The following NEK1 variants were observed in gnomAD, a reference collection of about 807,000 sequenced individuals.
NEK1 encodes NIMA related kinase 1.
In NEK1, 137 loss-of-function variants were observed where a neutral mutation model predicts 182.1. That is an observed-to-expected ratio of 0.75 (90% CI 0.65 to 0.87). The LOEUF is 0.87. Ranked by LOEUF, NEK1 falls within the 40% of genes least tolerant of loss-of-function variation. The probability of loss-of-function intolerance (pLI) is 0.00; values close to 1 mark genes in which losing one functional copy is unlikely to be tolerated. For missense variants in NEK1, 1,391 were observed against 1,494.4 expected (o/e 0.93, Z 1.14); for synonymous variants, 513 against 492.2 (o/e 1.04, Z -0.56).
chr4:169,561,132 T>G (rs867242370), intron 16 of NEK1, among the ~76,000 whole-genome samples: 3 of 152,210 alleles, frequency 2.0e-5, no homozygotes, highest in African/African-American at 7.2e-5. Flanking sequence ...AAGAAGCATC[T>G]TCTGAGAACT....
chr4:169,575,804 C>T (rs965535147), intron 12 of NEK1, among the ~76,000 whole-genome samples: 3 of 152,122 alleles, frequency 2.0e-5, no homozygotes, highest in African/African-American at 4.8e-5. Context: ...TCTCAGCCTT[C>T]GCGATGGGGT....
intron 26 of NEK1, among the ~76,000 whole-genome samples, chr4:169,474,438 T>C (rs550766152): frequency 1.3e-5 from 2 of 152,222 alleles, no homozygotes; most frequent in Admixed American, 6.5e-5. Context: ...CCATCTTACC[T>C]CTCTGTTCTG....
intron 19 of NEK1, among the ~76,000 whole-genome samples, chr4:169,536,518 C>A (rs1474819514): frequency 6.6e-6 from 1 of 151,880 alleles, no homozygotes; most frequent in Admixed American, 6.6e-5. Flanking sequence ...AAGCAAAATA[C>A]TTTTTCAGAC....
intron 18 of NEK1, among the ~76,000 whole-genome samples, chr4:169,549,182 G>A (rs1761028070): frequency 6.6e-6 from 1 of 152,204 alleles, no homozygotes; most frequent in Non-Finnish European, 1.5e-5. Flanking sequence ...GCACGGTACA[G>A]TTCCTAATGG....
At chr4:169,592,875 G>T (rs1284852288) in intron 5 of NEK1, among the ~76,000 whole-genome samples, 1 of 152,066 alleles carries the variant, frequency 6.6e-6, no homozygotes, top group Non-Finnish European at 1.5e-5. Flanking sequence ...TATAATAATT[G>T]CATAAGCTTT....
chr4:169,490,795 T>C (rs531443738), intron 23 of NEK1, among the ~76,000 whole-genome samples: 1 of 151,844 alleles, frequency 6.6e-6, no homozygotes, highest in Non-Finnish European at 1.5e-5. Flanking sequence ...AGAAAGCCTA[T>C]AGGAATTATG....
At chr4:169,601,073 C>T (rs1770412362) in intron 4 of NEK1, among the ~76,000 whole-genome samples, 1 of 152,126 alleles carries the variant, frequency 6.6e-6, no homozygotes, top group Admixed American at 6.5e-5. Context: ...TAATTTTGTA[C>T]TCTTTCACAT....
intron 19 of NEK1, among the ~76,000 whole-genome samples, chr4:169,511,703 T>A (rs1235666333): frequency 6.6e-6 from 1 of 152,134 alleles, no homozygotes; most frequent in Non-Finnish European, 1.5e-5. Context: ...GTCACTCATG[T>A]CATCTTATGT....
At chr4:169,475,536 A>T (rs1206858253) in intron 26 of NEK1, among the ~76,000 whole-genome samples, 1 of 152,188 alleles carries the variant, frequency 6.6e-6, no homozygotes, top group South Asian at 2.1e-4. Context: ...CCTAGCACCC[A>T]ACAAGGTAAA....
chr4:169,508,461 G>A (rs1753672582), intron 20 of NEK1, 130 bp from the exon 21 acceptor site: 2 of 666,826 alleles, frequency 3.0e-6, no homozygotes, highest in Non-Finnish European at 2.3e-6. Context: ...CTGAAATCCG[G>A]TTAATGGAAA....
chr4:169,465,843 G>C (rs1744820185), intron 26 of NEK1, among the ~76,000 whole-genome samples: 1 of 152,072 alleles, frequency 6.6e-6, no homozygotes, highest in Non-Finnish European at 1.5e-5. Context: ...AAAGAGCCAA[G>C]CTATGCACAG....
intron 27 of NEK1, among the ~76,000 whole-genome samples, chr4:169,446,818 G>T (rs1188178871): frequency 1.3e-5 from 2 of 152,102 alleles, no homozygotes; most frequent in Non-Finnish European, 2.9e-5. Flanking sequence ...AAAGAAGAAA[G>T]AATTAGCGAG....
At chr4:169,607,105 AGG>A (rs1222966489) in intron 2 of NEK1, among the ~76,000 whole-genome samples, 1 of 152,234 alleles carries the variant, frequency 6.6e-6, no homozygotes, top group Non-Finnish European at 1.5e-5. Flanking sequence ...GCATACATGG[AGG>A]AGGACTGAAA....
intron 19 of NEK1, among the ~76,000 whole-genome samples, chr4:169,524,022 T>C (rs890658608): frequency 6.6e-6 from 1 of 152,160 alleles, no homozygotes; most frequent in Non-Finnish European, 1.5e-5. Context: ...AATTCAGAGG[T>C]TCTTCTGTTA....
At chr4:169,586,721 A>G (rs1767600484) in intron 9 of NEK1, among the ~76,000 whole-genome samples, 1 of 152,068 alleles carries the variant, frequency 6.6e-6, no homozygotes, top group African/African-American at 2.4e-5. Context: ...TAAGAAAGAA[A>G]AAAAAAACTA....
chr4:169,591,407 A>G (rs1204751922), intron 5 of NEK1, among the ~76,000 whole-genome samples: 7 of 152,030 alleles, frequency 4.6e-5, no homozygotes, highest in Non-Finnish European at 4.4e-5. Flanking sequence ...CTGAGATTCA[A>G]GTGTTCCTCC....
chr4:169,607,674 AG>A (rs1228298963), intron 2 of NEK1, among the ~76,000 whole-genome samples: 1 of 152,038 alleles, frequency 6.6e-6, no homozygotes. Flanking sequence ...CGTGTTAGCC[AG>A]GATGGTCTCG....
At chr4:169,470,445 C>T (rs560244948) in intron 26 of NEK1, among the ~76,000 whole-genome samples, 2 of 152,276 alleles carry the variant, frequency 1.3e-5, no homozygotes, top group South Asian at 4.2e-4. Flanking sequence ...TGAATATTGG[C>T]CCCCACTCTA....
intron 31 of NEK1, among the ~76,000 whole-genome samples, chr4:169,410,561 C>T (rs1175719879): frequency 6.6e-6 from 1 of 152,162 alleles, no homozygotes; most frequent in African/African-American, 2.4e-5. Context: ...GCTGCTGCTG[C>T]TCTCTAAGAA....
Sources: gnomAD v4.1 joint callset for allele counts (sites outside exome capture counted in the v4.1 genomes callset) on GRCh38, gnomAD v4.1.1 for gene constraint, MANE v1.5 for transcripts, NCBI Gene and HGNC (gene_info 2026-07-23, HGNC 2026-07-21) for gene names.